The following FHL2 variants were observed in gnomAD, a reference collection of about 807,000 sequenced individuals.
FHL2 encodes four and a half LIM domains 2, also known as four and a half LIM domains protein 2.
Under a neutral mutation model 32.7 loss-of-function variants are expected in FHL2, and 20 were observed. That is an observed-to-expected ratio of 0.61 (90% CI 0.43 to 0.89). The LOEUF (loss-of-function observed/expected upper bound fraction) is 0.89. Ranked by LOEUF, FHL2 falls within the 40% of genes least tolerant of loss-of-function variation. FHL2 has a pLI of 0.00. For synonymous variants in FHL2, 123 were observed against 128.1 expected, an observed-to-expected ratio of 0.96 and a Z score of 0.27; for missense variants, 311 against 358.6, an observed-to-expected ratio of 0.87 and a Z score of 1.07.
rs765710296 is a variant in FHL2 at position 105,361,099 on chromosome 2, T to C, written c.*184A>G. On this transcript the variant is annotated 3_prime_UTR_variant, in exon 7 of 7. Transcript: ENST00000530340. ...CCTAGGGCCTAGGGCGAGTTTTCTC[T>C]TTCCCTGGGACTGAACTATCACAAA... 6 of 522,408 alleles carry C rather than the reference T, an allele frequency of 1.1e-5. No individual in the cohort carries two copies. Among genetic ancestry groups the C allele is most frequent in the Non-Finnish European group, 1.9e-5 (6 of 313,588 alleles). 32.4% of individuals were successfully genotyped at this position (522,408 alleles called of 1,614,324 possible). A position where few individuals can be genotyped will look rare whatever the true frequency, so the allele number is the denominator to read the frequency against.
intron 3 of FHL2, among the ~76,000 whole-genome samples, chr2:105,382,097 A>G (rs974935248): frequency 1.3e-5 from 2 of 152,178 alleles, no homozygotes; most frequent in African/African-American, 2.4e-5. Flanking sequence ...ATCACTGAAC[A>G]TTTCTGTCCA....
At chr2:105,396,740 GGAA>G in intron 1 of FHL2, 43 bp from the exon 2 acceptor site, 1 of 1,587,998 alleles carries the variant, frequency 6.3e-7, no homozygotes, top group Non-Finnish European at 8.6e-7. Context: ...GTCATCTTGA[GGAA>G]GCGAACTCAG....
At chr2:105,397,002 T>C (rs538050724) in intron 1 of FHL2, 14 of 233,136 alleles carry the variant, frequency 6.0e-5, no homozygotes, top group African/African-American at 3.5e-4. Flanking sequence ...ACTCCTGATA[T>C]CTAGTCTGTT....
chr2:105,394,729 C>T (rs1683005149), intron 2 of FHL2, among the ~76,000 whole-genome samples: 1 of 152,000 alleles, frequency 6.6e-6, no homozygotes, highest in Non-Finnish European at 1.5e-5. Flanking sequence ...CTATGCTTAC[C>T]ACTGTATAAT....
intron 1 of FHL2, among the ~76,000 whole-genome samples, chr2:105,424,069 T>C (rs1684185022): frequency 6.6e-6 from 1 of 152,194 alleles, no homozygotes; most frequent in East Asian, 1.9e-4. Context: ...TAAAATCAAC[T>C]ATCATCAGAG....
In FHL2 at chr2:105,373,699, G is replaced by T. The variant is rs533310258; in HGVS notation, c.191C>A (p.Ala64Asp). The T allele has an allele frequency of 6.2e-6, 10 of 1,614,072 alleles. No individual in the cohort carries two copies. Among genetic ancestry groups the T allele is most frequent in the African/African-American group, 1.3e-5 (1 of 74,940 alleles). Residue 64 changes from alanine to aspartate, a missense_variant, in exon 4 of 7, where the codon GCC becomes GAC. Coordinates refer to ENST00000530340, the MANE Select transcript of FHL2 (RefSeq NM_001318895.3). The stretch of plus-strand genomic sequence containing the variant: ...TCTGCACTGCGAGCAGTGGAAACAG[G>T]CTTCATGCCAGTGCCGGTCCTTGTA... ...LSYKDRHWHE[A>D]CFHCSQCRNS...
intron 3 of FHL2, among the ~76,000 whole-genome samples, chr2:105,385,002 G>C (rs954249235): frequency 1.3e-5 from 2 of 152,220 alleles, no homozygotes; most frequent in African/African-American, 4.8e-5. Flanking sequence ...CACGCAGCAG[G>C]CAAGACAGGA....
intron 1 of FHL2, among the ~76,000 whole-genome samples, chr2:105,435,038 A>G (rs1684563070): frequency 6.6e-6 from 1 of 152,220 alleles, no homozygotes; most frequent in African/African-American, 2.4e-5. Flanking sequence ...AAATGTAGAG[A>G]AAAATGTAAC....
intron 1 of FHL2, among the ~76,000 whole-genome samples, chr2:105,410,682 G>A (rs1017308677): frequency 6.6e-6 from 1 of 152,152 alleles, no homozygotes; most frequent in Non-Finnish European, 1.5e-5. Flanking sequence ...CTTGGCACAG[G>A]CAAGCAGAGG....
At chr2:105,436,822 G>A (rs980458142) in intron 1 of FHL2, among the ~76,000 whole-genome samples, 3 of 152,098 alleles carry the variant, frequency 2.0e-5, no homozygotes, top group Admixed American at 6.6e-5. Flanking sequence ...ATTTTTTATA[G>A]TAAACAGATT....
chr2:105,368,394 C>T (rs953773426), intron 4 of FHL2, among the ~76,000 whole-genome samples: 15 of 152,166 alleles, frequency 9.9e-5, no homozygotes, highest in Middle Eastern at 3.4e-3. Flanking sequence ...TGCAGTGGTG[C>T]GATCCTGGCT....
intron 1 of FHL2, among the ~76,000 whole-genome samples, chr2:105,405,873 C>G (rs999087569): frequency 1.3e-5 from 2 of 152,232 alleles, no homozygotes; most frequent in African/African-American, 4.8e-5. Context: ...TTTACATTAT[C>G]TGTGAAATAA....
chr2:105,419,211 AT>A (rs572876535), intron 1 of FHL2, among the ~76,000 whole-genome samples: 1 of 152,114 alleles, frequency 6.6e-6, no homozygotes, highest in South Asian at 2.1e-4. Context: ...TTTTTAAAAA[AT>A]TTTTTTATTT....
chr2:105,366,569 G>A lies in FHL2; in HGVS notation c.501+1001C>T, dbSNP rs771451716. Among the ~76,000 whole-genome samples, 8 of 152,148 alleles carry A rather than the reference G, an allele frequency of 5.3e-5. No individual in the cohort carries two copies. In the East Asian group the frequency reaches 5.8e-4, roughly 11 times the overall value. ...GAAGCTATAGCATAATAAGAATTGC[G>A]TGTGTCTAAGAGTCAGAGGGCACAG... On this transcript the variant is annotated intron_variant, in intron 5 of 6. Coordinates refer to ENST00000530340, the MANE Select transcript of FHL2 (RefSeq NM_001318895.3).
intron 1 of FHL2, among the ~76,000 whole-genome samples, chr2:105,422,052 C>A (rs1359896902): frequency 6.6e-6 from 1 of 152,172 alleles, no homozygotes; most frequent in Non-Finnish European, 1.5e-5. Context: ...GAAAGAATCA[C>A]GGTGGAGGGC....
At chr2:105,367,460 G>A (rs979345886) in intron 5 of FHL2, 110 bp downstream of exon 5, 60 of 1,132,822 alleles carry the variant, frequency 5.3e-5, no homozygotes, top group Admixed American at 1.6e-4. Context: ...CAGCTCCCAC[G>A]CCACTTAAGT....
intron 1 of FHL2, among the ~76,000 whole-genome samples, chr2:105,411,616 G>C (rs904147877): frequency 9.7e-5 from 14 of 144,076 alleles, no homozygotes; most frequent in Non-Finnish European, 2.1e-4. Context: ...GAGGCGGGCG[G>C]ATCACTTGAG....
chr2:105,363,842 A>T (rs1231346145), intron 5 of FHL2, among the ~76,000 whole-genome samples: 1 of 152,158 alleles, frequency 6.6e-6, no homozygotes, highest in East Asian at 1.9e-4. Context: ...TTGAATCCTA[A>T]CCCTACTCCT....
chr2:105,361,379 G>C lies in FHL2; in HGVS notation c.744C>G (p.Cys248Trp), dbSNP rs1480940753. 6.2e-7 allele frequency: 1 copy of C among 1,614,156 alleles called. No individual in the cohort carries two copies. The change falls in exon 7 of 7, where the codon TGC becomes TGG. Residue 248 changes from cysteine (C) to tryptophan (W), a missense_variant. By Grantham distance (215) the Cys-to-Trp change is radical (BLOSUM62 -2). Transcript: ENST00000530340. ...SFEERQWHNDCFNCKKCSLSL... is the reference protein window; with the variant it reads ...SFEERQWHNDWFNCKKCSLSL... ...AGAGGGAGCACTTCTTACAGTTAAA[G>C]CAGTCGTTATGCCACTGCCGTTCCT...
Sources: gnomAD v4.1 joint callset for allele counts (sites outside exome capture counted in the v4.1 genomes callset) on GRCh38, gnomAD v4.1.1 for gene constraint, MANE v1.5 for transcripts, NCBI Gene and HGNC (gene_info 2026-07-23, HGNC 2026-07-21) for gene names.